The following CDK6 variants were observed in gnomAD, a reference collection of about 807,000 sequenced individuals.
CDK6 encodes cyclin dependent kinase 6, also known as cyclin-dependent kinase 6.
Under a neutral mutation model 37.1 loss-of-function variants are expected in CDK6, and 6 were observed. The ratio of observed to expected loss-of-function variants is 0.16; its 90% CI spans 0.09 to 0.32. The LOEUF (loss-of-function observed/expected upper bound fraction) is 0.32, where lower values mean the gene tolerates loss of function less well. CDK6 is among the 10% of genes least tolerant of loss of function. The pLI is 1.00. For missense variants in CDK6, 224 were observed against 418.9 expected (o/e 0.53, Z 4.06); for synonymous variants, 160 against 161.3 (o/e 0.99, Z 0.06).
rs143445027 is a variant in CDK6 at position 92,686,985 on chromosome 7, T to C, written c.538-15450A>G. On this transcript the variant is annotated intron_variant, in intron 4 of 7. Transcript: ENST00000424848. ...CAAAGGAATGTTTGTGGTTTTTTTC[T>C]TGCTGATTTTGTTTGAGTTCCTTGT... Among the ~76,000 whole-genome samples, 857 of 152,340 alleles carry C rather than the reference T, an allele frequency of 5.6e-3. 9 individuals are homozygous for C. The highest frequency in any genetic ancestry group is 0.016 in the African/African-American group (653 of 41,570).
chr7:92,667,485 C>A lies in CDK6; in HGVS notation c.647+3941G>T, dbSNP rs545114893. Among the ~76,000 whole-genome samples the A allele has an allele frequency of 6.6e-5, 10 of 152,150 alleles. 1 individual carries two copies. The South Asian group carries it at 2.1e-3, about 32-fold the overall frequency. ...AGTGTTGGGTTACAGTGAGCCACTG[C>A]ATCTGGCTTGCTTGTGTTTTAAGAT... On this transcript the variant is annotated intron_variant, in intron 5 of 7. Coordinates refer to ENST00000424848, the MANE Select transcript of CDK6 (RefSeq NM_001145306.2).
At chr7:92,746,578 T>C (rs546060483) in intron 3 of CDK6, among the ~76,000 whole-genome samples, 1 of 152,254 alleles carries the variant, frequency 6.6e-6, no homozygotes, top group South Asian at 2.1e-4. Context: ...CCCAAAGATG[T>C]CTCATTATAT....
intron 4 of CDK6, among the ~76,000 whole-genome samples, chr7:92,692,647 T>C (rs1797623315): frequency 6.6e-6 from 1 of 151,930 alleles, no homozygotes; most frequent in Non-Finnish European, 1.5e-5. Context: ...TAGCTGGGTG[T>C]GGTGGTGCGT....
intron 2 of CDK6, among the ~76,000 whole-genome samples, chr7:92,817,551 G>A (rs996261021): frequency 1.3e-5 from 2 of 151,562 alleles, no homozygotes; most frequent in Non-Finnish European, 3.0e-5. Context: ...CATACTTTAG[G>A]GCAAAAGTCT....
At chr7:92,670,315 A>T (rs1478696070) in intron 5 of CDK6, among the ~76,000 whole-genome samples, 1 of 152,186 alleles carries the variant, frequency 6.6e-6, no homozygotes, top group Non-Finnish European at 1.5e-5. Context: ...GCCACAGATG[A>T]ATTTGCTGAG....
In CDK6 at chr7:92,607,063, T is replaced by A; in HGVS notation, c.*8077A>T. The A allele has an allele frequency of 4.3e-6, 1 of 233,624 alleles. No homozygotes were observed. The highest frequency in any genetic ancestry group is 6.0e-5 in the East Asian group (1 of 16,566). The allele number at this position is 233,624 out of a possible 1,614,324, so 14.5% of individuals were successfully genotyped here. ...ACACTGGATTGCTTCTGTACACAGC[T>A]AAGTTGCCTGAAGCATGGAAACTTG... On this transcript the variant is annotated 3_prime_UTR_variant, in exon 8 of 8. Transcript: ENST00000424848.
At chr7:92,694,687 T>A (rs1797669431) in intron 4 of CDK6, among the ~76,000 whole-genome samples, 1 of 152,220 alleles carries the variant, frequency 6.6e-6, no homozygotes, top group South Asian at 2.1e-4. Context: ...TGTCTCGTGT[T>A]CTTTTCAGAA....
intron 3 of CDK6, among the ~76,000 whole-genome samples, chr7:92,726,917 G>C (rs1798527432): frequency 6.6e-6 from 1 of 152,168 alleles, no homozygotes; most frequent in Admixed American, 6.5e-5. Context: ...TAGGATCATT[G>C]TAAAGCACTT....
intron 2 of CDK6, among the ~76,000 whole-genome samples, chr7:92,815,935 G>C (rs886759844): frequency 6.6e-6 from 1 of 152,118 alleles, no homozygotes; most frequent in Non-Finnish European, 1.5e-5. Flanking sequence ...AAAGAAGAGA[G>C]ACTACAAAAG....
intron 3 of CDK6, among the ~76,000 whole-genome samples, chr7:92,726,042 A>C (rs944173508): frequency 1.3e-5 from 2 of 152,156 alleles, no homozygotes; most frequent in Non-Finnish European, 2.9e-5. Flanking sequence ...ATAGTTTTTG[A>C]TGGAATAGGA....
At chr7:92,830,594 T>A (rs1801450971) in intron 2 of CDK6, among the ~76,000 whole-genome samples, 1 of 152,214 alleles carries the variant, frequency 6.6e-6, no homozygotes, top group Non-Finnish European at 1.5e-5. Context: ...CTGTCCTTAT[T>A]TCCTGACCCT....
intron 3 of CDK6, among the ~76,000 whole-genome samples, chr7:92,772,738 C>T (rs1278153809): frequency 6.6e-6 from 1 of 151,980 alleles, no homozygotes; most frequent in Non-Finnish European, 1.5e-5. Flanking sequence ...TGAGATTCCC[C>T]CCATTCCAAT....
rs1400720834 is a variant in CDK6 at position 92,615,054 on chromosome 7, C to G, written c.*86G>C. 1 of 1,423,912 alleles carries G rather than the reference C, an allele frequency of 7.0e-7. No individual in the cohort carries two copies. The allele number at this position is 1,423,912 out of a possible 1,614,324, so 88.2% of individuals were successfully genotyped here. A position where few individuals can be genotyped will look rare whatever the true frequency, so the allele number is the denominator to read the frequency against. ...GGAAGGCCTCCAGATAGCAATCCTC[C>G]ACAGCTCTGTAGGGCTTGCTGAGGG... On this transcript the variant is annotated 3_prime_UTR_variant, in exon 8 of 8. Coordinates refer to ENST00000424848, the MANE Select transcript of CDK6 (RefSeq NM_001145306.2).
chr7:92,673,001 C>T (rs752979385), intron 4 of CDK6, among the ~76,000 whole-genome samples: 15 of 152,170 alleles, frequency 9.9e-5, no homozygotes, highest in Admixed American at 3.3e-4. Flanking sequence ...ATATGGTAGA[C>T]GTAATGTCTG....
chr7:92,703,075 T>C (rs1054467546), intron 4 of CDK6, among the ~76,000 whole-genome samples: 1 of 152,182 alleles, frequency 6.6e-6, no homozygotes, highest in African/African-American at 2.4e-5. Flanking sequence ...ATGTAACCAG[T>C]GAACCCCATA....
At chr7:92,777,159 T>C (rs771480783) in intron 2 of CDK6, among the ~76,000 whole-genome samples, 18 of 152,146 alleles carry the variant, frequency 1.2e-4, no homozygotes, top group Non-Finnish European at 2.4e-4. Flanking sequence ...TTAAATAGGG[T>C]ATCATTTCCC....
chr7:92,743,469 C>T (rs113067559), intron 3 of CDK6, among the ~76,000 whole-genome samples: 5 of 150,960 alleles, frequency 3.3e-5, no homozygotes, highest in South Asian at 2.1e-4. Flanking sequence ...CACACAAGAG[C>T]GAAATTCTGT....
chr7:92,682,950 T>C (rs971760853), intron 4 of CDK6, among the ~76,000 whole-genome samples: 2 of 152,244 alleles, frequency 1.3e-5, no homozygotes, highest in African/African-American at 4.8e-5. Context: ...AAACTTAAAA[T>C]AGTTACCACT....
At chr7:92,825,191 AAC>A (rs548860694) in intron 2 of CDK6, among the ~76,000 whole-genome samples, 74 of 152,248 alleles carry the variant, frequency 4.9e-4, no homozygotes, top group African/African-American at 1.8e-3. Flanking sequence ...AATCCCATTT[AAC>A]AAAGCGTTGA....
Sources: gnomAD v4.1 joint callset for allele counts (sites outside exome capture counted in the v4.1 genomes callset) on GRCh38, gnomAD v4.1.1 for gene constraint, MANE v1.5 for transcripts, NCBI Gene and HGNC (gene_info 2026-07-23, HGNC 2026-07-21) for gene names.